The following MAP2K4 variants were observed in gnomAD, a reference collection of about 807,000 sequenced individuals.
The protein encoded by MAP2K4 is mitogen-activated protein kinase kinase 4.
Under a neutral mutation model 48.5 loss-of-function variants are expected in MAP2K4, and 4 were observed. The observed-to-expected ratio is 0.08, with a 90% CI of 0.04 to 0.19. The LOEUF is 0.19. Among genes scored for constraint, MAP2K4 ranks in the 10% least tolerant of loss-of-function variants. The pLI, the probability that MAP2K4 is intolerant of heterozygous loss-of-function variation, is 1.00. For synonymous variants in MAP2K4, 166 were observed against 173.1 expected, an observed-to-expected ratio of 0.96 and a Z score of 0.32; for missense variants, 258 against 493.3, an observed-to-expected ratio of 0.52 and a Z score of 4.52.
intron 9 of MAP2K4, among the ~76,000 whole-genome samples, chr17:12,136,303 GA>G (rs1489632741): frequency 6.6e-6 from 1 of 152,132 alleles, no homozygotes; most frequent in Non-Finnish European, 1.5e-5. Context: ...TAAGTTTAAA[GA>G]AAAAGAGGCA....
intron 7 of MAP2K4, among the ~76,000 whole-genome samples, chr17:12,117,286 C>A (rs1321259800): frequency 6.6e-6 from 1 of 152,040 alleles, no homozygotes; most frequent in Non-Finnish European, 1.5e-5. Flanking sequence ...GCCCGAAATG[C>A]TCCCAAATAT....
intron 4 of MAP2K4, among the ~76,000 whole-genome samples, chr17:12,103,235 T>TG (rs1321741675): frequency 2.5e-4 from 35 of 142,654 alleles, no homozygotes; most frequent in African/African-American, 8.3e-4. Flanking sequence ...TTTTTGGAGG[T>TG]GGGGTCTCAC....
chr17:12,085,304 C>T (rs1032904607), intron 3 of MAP2K4, among the ~76,000 whole-genome samples: 11 of 152,018 alleles, frequency 7.2e-5, no homozygotes, highest in Non-Finnish European at 1.3e-4. Context: ...ATAAAGCTGT[C>T]ATCTCATTGA....
chr17:12,123,383 A>G (rs956515212), intron 7 of MAP2K4, among the ~76,000 whole-genome samples: 3 of 152,142 alleles, frequency 2.0e-5, no homozygotes, highest in Admixed American at 6.5e-5. Flanking sequence ...AACAGTAGTA[A>G]TGGCCCCTCT....
chr17:12,113,021 A>G (rs947468096), intron 6 of MAP2K4: 6 of 382,358 alleles, frequency 1.6e-5, no homozygotes, highest in African/African-American at 9.9e-5. Context: ...TTGCTGTTAC[A>G]TTTACACAAT....
chr17:12,071,929 A>G (rs1449248402), intron 2 of MAP2K4, among the ~76,000 whole-genome samples: 1 of 152,218 alleles, frequency 6.6e-6, no homozygotes, highest in African/African-American at 2.4e-5. Context: ...AGTGGTAGGT[A>G]TCTATTTGCA....
intron 1 of MAP2K4, chr17:12,036,427 A>G (rs1442303678): frequency 6.6e-6 from 1 of 152,212 alleles, no homozygotes. Context: ...CTGTGAACAT[A>G]GTTGTTTAGA....
At chr17:12,097,006 T>G (rs982570937) in intron 4 of MAP2K4, among the ~76,000 whole-genome samples, 3 of 152,228 alleles carry the variant, frequency 2.0e-5, no homozygotes, top group Non-Finnish European at 4.4e-5. Flanking sequence ...TCATTTCACA[T>G]CAGCATTCCG....
chr17:12,095,659 T>C lies in MAP2K4; in HGVS notation c.478T>C (p.Tyr160His), dbSNP rs749942107. ...DVVMRSSDCPYIVQFYGALFR... is the reference protein window; with the variant it reads ...DVVMRSSDCPHIVQFYGALFR... ...AGTAATGCGGAGTAGTGATTGCCCA[T>C]ACATTGTTCAGTTTTATGGTGCACT... Residue 160 changes from tyrosine (Y) to histidine (H), a missense_variant, in exon 4 of 11, where the codon TAC (tyrosine) becomes CAC (histidine). Tyr to His is a moderately conservative substitution (Grantham distance 83, BLOSUM62 2). Around this residue, in one of 3 missense-constraint regions of MAP2K4, gnomAD observed 132 missense variants for 352.8 expected, o/e 0.37. Coordinates refer to ENST00000353533, the MANE Select transcript of MAP2K4 (RefSeq NM_003010.4). 6.2e-7 allele frequency: 1 copy of C among 1,614,016 alleles called. No homozygotes were observed. The highest frequency in any genetic ancestry group is 8.5e-7 in the Non-Finnish European group (1 of 1,179,954).
intron 1 of MAP2K4, among the ~76,000 whole-genome samples, chr17:12,047,868 A>G (rs924069942): frequency 1.3e-5 from 2 of 152,316 alleles, no homozygotes; most frequent in African/African-American, 4.8e-5. Flanking sequence ...GACTGTTTTT[A>G]TCCTGGTTTC....
At chr17:12,040,947 G>A (rs1341436270) in intron 1 of MAP2K4, among the ~76,000 whole-genome samples, 1 of 152,020 alleles carries the variant, frequency 6.6e-6, no homozygotes, top group Non-Finnish European at 1.5e-5. Flanking sequence ...CTCTCATAAT[G>A]TTCTACAACT....
intron 7 of MAP2K4, among the ~76,000 whole-genome samples, chr17:12,117,404 C>T (rs1321568037): frequency 6.6e-6 from 1 of 151,394 alleles, no homozygotes; most frequent in East Asian, 2.0e-4. Context: ...TCAGTGTTCC[C>T]AAGGTAAAAA....
rs1973448167 is a variant in MAP2K4, at chr17:12,143,781, TTAAAG to T, written c.*2526_*2530del. The T allele has an allele frequency of 4.4e-6, 1 of 228,232 alleles. No individual in the cohort carries two copies. Among genetic ancestry groups the T allele is most frequent in the Non-Finnish European group, 8.7e-6 (1 of 114,936 alleles). The allele number at this position is 228,232 out of a possible 1,614,324, so 14.1% of individuals were successfully genotyped here. On this transcript the variant is annotated 3_prime_UTR_variant, in exon 11 of 11. Transcript: ENST00000353533. ...AATCAGACCCTGAGAGGGGAAAATC[TTAAAG>T]TAAATTACATTAAATTATCTGTGCA... is the stretch of plus-strand genomic sequence containing the variant.
At chr17:12,124,082 AAAAAC>A (rs1239552732) in intron 7 of MAP2K4, among the ~76,000 whole-genome samples, 1 of 152,222 alleles carries the variant, frequency 6.6e-6, no homozygotes, top group Non-Finnish European at 1.5e-5. Context: ...TACAACAAAA[AAAAAC>A]AAAGTAAATA....
chr17:12,115,462 A>G (rs2151579354), intron 7 of MAP2K4: 1 of 541,324 alleles, frequency 1.8e-6, no homozygotes, highest in Non-Finnish European at 3.5e-6. Flanking sequence ...TTATATCACA[A>G]CAGCAACTAT....
In MAP2K4 at chr17:12,142,091, A is replaced by C; in HGVS notation, c.*831A>C. 1 of 233,460 alleles carries C rather than the reference A, an allele frequency of 4.3e-6. No homozygotes were observed. The highest frequency in any genetic ancestry group is 8.5e-6 in the Non-Finnish European group (1 of 117,918). 14.5% of individuals were successfully genotyped at this position (233,460 alleles called of 1,614,324 possible). ...CAACTTGATGTTCCACCTGCCACAA[A>C]CCACCAGGACTGAAAGAAGAAAACA... On this transcript the variant is annotated 3_prime_UTR_variant, in exon 11 of 11. Transcript: ENST00000353533.
At position 12,115,781 on chromosome 17, in the gene MAP2K4, A is replaced by C. The variant is rs921578670; in HGVS notation, c.813+2421A>C. 5 of 746,114 alleles carry C rather than the reference A, an allele frequency of 6.7e-6. No homozygotes were observed. The South Asian group carries it at 6.7e-5, about 10-fold the overall frequency. 46.2% of individuals were successfully genotyped at this position (746,114 alleles called of 1,614,324 possible). Reference sequence around the variant, plus strand: ...GCAAAAGAATGGAGCTGGATTACACATGGCAAGTTCCTGCTTCTGGGACAG... The same window carrying C: ...GCAAAAGAATGGAGCTGGATTACACCTGGCAAGTTCCTGCTTCTGGGACAG... On this transcript the variant is annotated intron_variant, in intron 7 of 10. Coordinates refer to ENST00000353533, the MANE Select transcript of MAP2K4 (RefSeq NM_003010.4).
chr17:12,077,493 G>C (rs888309158), intron 2 of MAP2K4, among the ~76,000 whole-genome samples: 5 of 152,194 alleles, frequency 3.3e-5, no homozygotes, highest in African/African-American at 4.8e-5. Flanking sequence ...GAGATAAGCA[G>C]GCTAGGGTTG....
chr17:12,056,831 G>A (rs1366679162), intron 2 of MAP2K4, among the ~76,000 whole-genome samples: 1 of 152,080 alleles, frequency 6.6e-6, no homozygotes, highest in East Asian at 1.9e-4. Flanking sequence ...TTCTGTTTAG[G>A]ATGAGTACTT....
Sources: allele counts gnomAD v4.1 joint callset (sites outside exome capture counted in the v4.1 genomes callset), GRCh38; gene constraint gnomAD v4.1.1; regional missense constraint gnomAD v4.1.1; transcripts MANE v1.5; gene names NCBI Gene and HGNC (gene_info 2026-07-23, HGNC 2026-07-21).